SHANK2: variants seen among roughly 807,000 people sequenced by gnomAD.
SHANK2 encodes SH3 and multiple ankyrin repeat domains protein 2.
In SHANK2, 43 loss-of-function variants were observed where a neutral mutation model predicts 133.7. The ratio of observed to expected loss-of-function variants is 0.32; its 90% CI spans 0.25 to 0.41. The LOEUF is 0.41. SHANK2 is among the 10% of genes least tolerant of loss of function. The probability of loss-of-function intolerance (pLI) is 1.00; values close to 1 mark genes in which losing one functional copy is unlikely to be tolerated. For synonymous variants in SHANK2, 1,017 were observed against 952.8 expected (o/e 1.07, Z -1.24); for missense variants, 1,994 against 2,235.8 (o/e 0.89, Z 2.18).
At chr11:70,848,207 A>G (rs563886326) in intron 11 of SHANK2, among the ~76,000 whole-genome samples, 2 of 152,134 alleles carry the variant, frequency 1.3e-5, no homozygotes, top group Non-Finnish European at 2.9e-5. Flanking sequence ...AGAAGCCAGA[A>G]CTCTGGATTT....
At chr11:71,095,281 C>T (rs989292727) in intron 6 of SHANK2, among the ~76,000 whole-genome samples, 1 of 152,180 alleles carries the variant, frequency 6.6e-6, no homozygotes, top group South Asian at 2.1e-4. Flanking sequence ...AGAAGGATGC[C>T]GTCTGCCTTT....
At chr11:70,541,678 C>CA in intron 17 of SHANK2, among the ~76,000 whole-genome samples, 1 of 152,366 alleles carries the variant, frequency 6.6e-6, no homozygotes, top group Non-Finnish European at 1.5e-5. Context: ...GTGCCCCCCA[C>CA]AAAACACATT....
At chr11:71,202,293 G>A (rs1954034079) in intron 2 of SHANK2, among the ~76,000 whole-genome samples, 1 of 152,166 alleles carries the variant, frequency 6.6e-6, no homozygotes, top group Non-Finnish European at 1.5e-5. Context: ...GGCCTAGACA[G>A]GTCATGGAAC....
intron 2 of SHANK2, among the ~76,000 whole-genome samples, chr11:71,210,811 G>C (rs1051219587): frequency 1.3e-5 from 2 of 152,104 alleles, no homozygotes; most frequent in Admixed American, 1.3e-4. Flanking sequence ...CACTCTCCCT[G>C]CTCCAAGAAT....
chr11:70,571,823 G>A (rs531013523), intron 17 of SHANK2, among the ~76,000 whole-genome samples: 1 of 152,056 alleles, frequency 6.6e-6, no homozygotes, highest in Admixed American at 6.6e-5. Flanking sequence ...GAGTGGAGAC[G>A]AGGGGAGAGG....
chr11:71,074,703 A>G lies in SHANK2; in HGVS notation c.1029+456T>C, dbSNP rs1018201040. On this transcript the variant is annotated intron_variant, in intron 9 of 25. Coordinates refer to ENST00000601538, the MANE Select transcript of SHANK2 (RefSeq NM_012309.5). The stretch of plus-strand genomic sequence containing the variant: ...GGCCACTAAGGGGCAGGGGCTGACA[A>G]GCAGGCATTGGCTAATTAAGCAGGG... Among the ~76,000 whole-genome samples, 83 of 152,118 alleles carry G rather than the reference A, an allele frequency of 5.5e-4. 1 individual carries two copies. The highest frequency in any genetic ancestry group is 7.2e-4 in the Admixed American group (11 of 15,296).
rs577993775 is a variant in SHANK2 at position 71,125,945 on chromosome 11, C to T, written c.208-6913G>A. On this transcript the variant is annotated intron_variant, in intron 3 of 25. Coordinates refer to ENST00000601538, the MANE Select transcript of SHANK2 (RefSeq NM_012309.5). ...AATGATGCTAAATCAATCGGCCAGG[C>T]GCGGTGGCTCACGCCTGTAATCCCA... Among the ~76,000 whole-genome samples the T allele has an allele frequency of 2.7e-4, 41 of 152,184 alleles. No individual in the cohort carries two copies. In the South Asian group the frequency reaches 7.7e-3, roughly 28 times the overall value.
At chr11:70,527,303 G>C (rs2059412028) in intron 17 of SHANK2, among the ~76,000 whole-genome samples, 2 of 152,214 alleles carry the variant, frequency 1.3e-5, no homozygotes, top group Non-Finnish European at 2.9e-5. Context: ...CTGTGGACTT[G>C]TGCTGACCCC....
At chr11:71,195,458 G>A (rs1953885299) in intron 2 of SHANK2, among the ~76,000 whole-genome samples, 1 of 151,912 alleles carries the variant, frequency 6.6e-6, no homozygotes, top group Non-Finnish European at 1.5e-5. Context: ...GTGAATGATT[G>A]ATGGAGACAT....
At chr11:70,911,924 A>C (rs1555079086) in intron 10 of SHANK2, among the ~76,000 whole-genome samples, 1 of 152,004 alleles carries the variant, frequency 6.6e-6, no homozygotes, top group East Asian at 1.9e-4. Flanking sequence ...TCTACTAAAA[A>C]TACAAAAATC....
chr11:71,208,096 T>C (rs1426528723), intron 2 of SHANK2, among the ~76,000 whole-genome samples: 1 of 151,928 alleles, frequency 6.6e-6, no homozygotes, highest in Non-Finnish European at 1.5e-5. Context: ...GCCCTGAACA[T>C]CCAACTAGTC....
At chr11:71,229,537 G>A (rs1209948003) in intron 1 of SHANK2, among the ~76,000 whole-genome samples, 4 of 152,028 alleles carry the variant, frequency 2.6e-5, no homozygotes, top group South Asian at 2.1e-4. Context: ...CTGGGAGGCC[G>A]AGGTGGGTGG....
chr11:70,867,651 C>T (rs370036857), intron 11 of SHANK2, among the ~76,000 whole-genome samples: 1 of 152,212 alleles, frequency 6.6e-6, no homozygotes, highest in Admixed American at 6.5e-5. Context: ...ATTCATTACC[C>T]ACTGAATTCA....
chr11:70,600,413 T>C (rs1198710171), intron 17 of SHANK2, among the ~76,000 whole-genome samples: 9 of 91,158 alleles, frequency 9.9e-5, no homozygotes, highest in Admixed American at 5.5e-4. Flanking sequence ...AGCAGGACTC[T>C]GTCTCAAAAA....
At chr11:70,517,578 A>C (rs1157496321) in intron 17 of SHANK2, among the ~76,000 whole-genome samples, 3 of 152,246 alleles carry the variant, frequency 2.0e-5, no homozygotes, top group Admixed American at 2.0e-4. Context: ...GGAAGCTTAC[A>C]AGCATGTTGC....
At chr11:70,892,099 G>A (rs1949854360) in intron 11 of SHANK2, among the ~76,000 whole-genome samples, 2 of 152,090 alleles carry the variant, frequency 1.3e-5, no homozygotes, top group Admixed American at 6.6e-5. Context: ...GGCTTCCCTC[G>A]GGGGCTGCCA....
chr11:71,113,642 C>T (rs1355629938), intron 4 of SHANK2, among the ~76,000 whole-genome samples: 1 of 152,230 alleles, frequency 6.6e-6, no homozygotes, highest in African/African-American at 2.4e-5. Context: ...TGGGAGGTCT[C>T]CCTCCCGGTG....
intron 14 of SHANK2, among the ~76,000 whole-genome samples, chr11:70,780,841 T>G (rs1947468272): frequency 6.6e-6 from 1 of 152,230 alleles, no homozygotes; most frequent in Non-Finnish European, 1.5e-5. Context: ...CCCAAAGTGC[T>G]GGGATTACAG....
At chr11:70,722,980 TC>T (rs1946101572) in intron 14 of SHANK2, among the ~76,000 whole-genome samples, 1 of 152,230 alleles carries the variant, frequency 6.6e-6, no homozygotes, top group Non-Finnish European at 1.5e-5. Context: ...TGAATAAGCC[TC>T]AGTTTTAACT....
Sources: allele counts gnomAD v4.1 joint callset (sites outside exome capture counted in the v4.1 genomes callset), GRCh38; gene constraint gnomAD v4.1.1; transcripts MANE v1.5; gene names NCBI Gene and HGNC (gene_info 2026-07-23, HGNC 2026-07-21).